SLC16A12: variants seen among roughly 807,000 people sequenced by gnomAD.
SLC16A12 encodes monocarboxylate transporter 12.
Under a neutral mutation model 42.4 loss-of-function variants are expected in SLC16A12, and 17 were observed. The ratio of observed to expected loss-of-function variants is 0.40; its 90% confidence interval spans 0.27 to 0.60. SLC16A12 has a LOEUF of 0.60. SLC16A12 is among the 20% of genes least tolerant of loss of function. The probability of loss-of-function intolerance (pLI) is 0.42; values close to 1 mark genes in which losing one functional copy is unlikely to be tolerated. For synonymous variants in SLC16A12, 224 were observed against 229.4 expected (o/e 0.98, Z 0.21); for missense variants, 544 against 623.0 (o/e 0.87, Z 1.35).
intron 5 of SLC16A12, 68 bp downstream of exon 5, chr10:89,441,040 T>G: frequency 1.3e-6 from 2 of 1,581,774 alleles, no homozygotes; most frequent in South Asian, 2.2e-5. Context: ...ATGAATTACT[T>G]CTCTGTTGAT....
intron 7 of SLC16A12, among the ~76,000 whole-genome samples, chr10:89,434,176 T>C (rs1841739141): frequency 6.6e-6 from 1 of 152,216 alleles, no homozygotes; most frequent in Admixed American, 6.5e-5. Flanking sequence ...TTTAAACTGC[T>C]CTCAAATATT....
At chr10:89,459,665 G>C (rs910294297) in intron 3 of SLC16A12, among the ~76,000 whole-genome samples, 1 of 152,172 alleles carries the variant, frequency 6.6e-6, no homozygotes, top group Non-Finnish European at 1.5e-5. Flanking sequence ...TGTAGGCCGG[G>C]CATGGTGCCT....
chr10:89,473,538 T>A (rs1262838526), intron 2 of SLC16A12, among the ~76,000 whole-genome samples: 1 of 152,124 alleles, frequency 6.6e-6, no homozygotes, highest in Non-Finnish European at 1.5e-5. Context: ...CAAAATAAAC[T>A]CCCCACTCTT....
intron 2 of SLC16A12, among the ~76,000 whole-genome samples, chr10:89,486,461 A>G (rs966771604): frequency 6.6e-6 from 1 of 151,794 alleles, no homozygotes; most frequent in Non-Finnish European, 1.5e-5. Flanking sequence ...ACACAGTGGC[A>G]TGTGCCTGTA....
intron 3 of SLC16A12, among the ~76,000 whole-genome samples, chr10:89,460,744 CAAAAAAAAA>C (rs751005622): frequency 5.8e-5 from 4 of 68,454 alleles, no homozygotes; most frequent in African/African-American, 2.2e-4. Context: ...GACACTGTCT[CAAAAAAAAA>C]AAAAAAAAAA....
intron 3 of SLC16A12, among the ~76,000 whole-genome samples, chr10:89,447,934 A>G (rs775999006): frequency 6.6e-6 from 1 of 152,196 alleles, no homozygotes; most frequent in Non-Finnish European, 1.5e-5. Context: ...AGGGGAAATC[A>G]CCACCAATCC....
intron 2 of SLC16A12, among the ~76,000 whole-genome samples, chr10:89,491,739 C>T (rs1054327288): frequency 1.3e-5 from 2 of 152,078 alleles, no homozygotes; most frequent in African/African-American, 4.8e-5. Context: ...CTTAAAATGA[C>T]CCAGAGGATG....
chr10:89,473,380 A>C (rs1842530339), intron 2 of SLC16A12, among the ~76,000 whole-genome samples: 1 of 152,080 alleles, frequency 6.6e-6, no homozygotes, highest in East Asian at 1.9e-4. Flanking sequence ...ATGAATCTTG[A>C]CTCTTATTGT....
At chr10:89,532,239 G>A (rs1311396957) in intron 2 of SLC16A12, among the ~76,000 whole-genome samples, 4 of 152,042 alleles carry the variant, frequency 2.6e-5, no homozygotes, top group South Asian at 2.1e-4. Context: ...GTCAATGCGC[G>A]GTAAATGAAG....
intron 2 of SLC16A12, among the ~76,000 whole-genome samples, chr10:89,551,074 T>C (rs1429579652): frequency 6.6e-6 from 1 of 152,052 alleles, no homozygotes; most frequent in Non-Finnish European, 1.5e-5. Context: ...AAAGGTCCAT[T>C]TTGGATGGAG....
chr10:89,532,546 T>C (rs1164744673), intron 2 of SLC16A12, among the ~76,000 whole-genome samples: 2 of 152,226 alleles, frequency 1.3e-5, no homozygotes, highest in African/African-American at 4.8e-5. Flanking sequence ...ACTTTTTATA[T>C]ACACTGGAAA....
chr10:89,518,291 C>T (rs963613984), intron 2 of SLC16A12, among the ~76,000 whole-genome samples: 2 of 152,180 alleles, frequency 1.3e-5, no homozygotes, highest in Non-Finnish European at 2.9e-5. Flanking sequence ...ACTCTGGCTT[C>T]TCTCTGTTGC....
intron 3 of SLC16A12, among the ~76,000 whole-genome samples, chr10:89,461,398 C>T (rs1391688442): frequency 1.3e-5 from 2 of 152,110 alleles, no homozygotes; most frequent in Non-Finnish European, 2.9e-5. Context: ...CCTAGGGAGC[C>T]AAGAAATTTT....
At chr10:89,445,618 C>T (rs1318379330) in intron 3 of SLC16A12, among the ~76,000 whole-genome samples, 1 of 152,224 alleles carries the variant, frequency 6.6e-6, no homozygotes, top group East Asian at 1.9e-4. Flanking sequence ...CATCAAAGAC[C>T]AAAGGTAGAT....
At chr10:89,553,396 T>C (rs757463735) in intron 2 of SLC16A12, among the ~76,000 whole-genome samples, 13 of 152,256 alleles carry the variant, frequency 8.5e-5, no homozygotes, top group Non-Finnish European at 1.9e-4. Flanking sequence ...TCTTTGTTCA[T>C]ATAAATCACA....
At chr10:89,473,431 G>A (rs989999949) in intron 2 of SLC16A12, among the ~76,000 whole-genome samples, 3 of 151,998 alleles carry the variant, frequency 2.0e-5, no homozygotes, top group Non-Finnish European at 2.9e-5. Flanking sequence ...ACATGTAAAC[G>A]TAAAAGAAAA....
intron 2 of SLC16A12, among the ~76,000 whole-genome samples, chr10:89,508,905 C>T (rs1217740976): frequency 1.3e-5 from 2 of 151,770 alleles, no homozygotes; most frequent in Non-Finnish European, 1.5e-5. Context: ...ATGTCACCAC[C>T]AATTTCTGTG....
intron 2 of SLC16A12, among the ~76,000 whole-genome samples, chr10:89,475,551 G>T (rs1842564705): frequency 6.6e-6 from 1 of 152,188 alleles, no homozygotes; most frequent in African/African-American, 2.4e-5. Context: ...GGTGAAGAGA[G>T]ACTAAGACTG....
At chr10:89,494,276 A>G (rs192351514) in intron 2 of SLC16A12, among the ~76,000 whole-genome samples, 31 of 152,328 alleles carry the variant, frequency 2.0e-4, no homozygotes, top group Admixed American at 2.0e-3. Context: ...AACCGGTTCA[A>G]TTGTTTTGGA....
Sources: gnomAD v4.1 joint callset for allele counts (sites outside exome capture counted in the v4.1 genomes callset) on GRCh38, gnomAD v4.1.1 for gene constraint, MANE v1.5 for transcripts, NCBI Gene and HGNC (gene_info 2026-07-23, HGNC 2026-07-21) for gene names.